The following RINT1 variants were observed in gnomAD, a reference collection of about 807,000 sequenced individuals.
RINT1 encodes RAD50 interactor 1.
Under a neutral mutation model 97.7 loss-of-function variants are expected in RINT1, and 75 were observed. The observed-to-expected ratio is 0.77, with a 90% CI of 0.64 to 0.93. The LOEUF (loss-of-function observed/expected upper bound fraction) is 0.93. Among genes scored for constraint, RINT1 ranks in the 40% least tolerant of loss-of-function variants. RINT1 has a pLI of 0.00. For synonymous variants in RINT1, 303 were observed against 326.3 expected, an observed-to-expected ratio of 0.93 and a Z score of 0.77; for missense variants, 892 against 925.2, an observed-to-expected ratio of 0.96 and a Z score of 0.47.
Position 105,550,271 on chromosome 7 carries a change from C to T in RINT1, c.1118C>T (p.Ser373Phe). The change falls in exon 9 of 15, where the codon TCT becomes TTT. Residue 373 changes from serine (S) to phenylalanine (F), a missense_variant. By Grantham distance (155) the Ser-to-Phe change is radical. Coordinates refer to ENST00000257700, the MANE Select transcript of RINT1 (RefSeq NM_021930.6). ...GSLVNARLEF[S>F]RGLMMLVLEK... ...TGTGTATTTTTTTAGCTTGAATTTT[C>T]TCGGGGCCTTATGATGCTGGTTCTT... is the stretch of plus-strand genomic sequence containing the variant. The T allele has an allele frequency of 1.2e-6, 2 of 1,613,722 alleles. No individual in the cohort carries two copies. Among genetic ancestry groups the T allele is most frequent in the Non-Finnish European group, 1.7e-6 (2 of 1,179,884 alleles).
At chr7:105,565,800 T>A (rs577044728) in intron 14 of RINT1, 152 bp downstream of exon 14, 24 of 580,560 alleles carry the variant, frequency 4.1e-5, no homozygotes, top group Non-Finnish European at 6.9e-5. Flanking sequence ...TACAGCACAA[T>A]GGGGAAACCA....
At chr7:105,549,444 G>A (rs944566308) in intron 7 of RINT1, among the ~76,000 whole-genome samples, 3 of 151,814 alleles carry the variant, frequency 2.0e-5, no homozygotes, top group East Asian at 1.9e-4. Flanking sequence ...TGCCTCCCGC[G>A]TTCAAGCGAT....
rs1296283637 is a variant in RINT1, at chr7:105,550,127, C to T, written c.1069C>T (p.Pro357Ser). 1.9e-6 allele frequency: 3 copies of T among 1,613,712 alleles called. No individual in the cohort carries two copies. The highest frequency in any genetic ancestry group is 1.7e-5 in the Admixed American group (1 of 60,006). ...HTEFLDEKIQ[P>S]ILDKVGSLVN... ...TGAATTTCTGGATGAGAAGATTCAG[C>T]CAATATTAGACAAAGTAGGCTCTTT... Residue 357 changes from proline to serine, a missense_variant, in exon 8 of 15, where the codon CCA becomes TCA. Pro to Ser is a moderately conservative substitution (Grantham distance 74). Coordinates refer to ENST00000257700, the MANE Select transcript of RINT1 (RefSeq NM_021930.6).
intron 3 of RINT1, among the ~76,000 whole-genome samples, chr7:105,539,131 G>C (rs1410840403): frequency 1.3e-5 from 2 of 152,098 alleles, no homozygotes; most frequent in African/African-American, 2.4e-5. Context: ...TTTTACTGAA[G>C]TTCCTTATTG....
intron 3 of RINT1, chr7:105,541,461 T>C (rs1363697584): frequency 6.6e-6 from 1 of 151,916 alleles, no homozygotes; most frequent in East Asian, 2.0e-4. Flanking sequence ...AAGGAAAATA[T>C]TTAGCAGGTA....
In RINT1 at chr7:105,563,820, A is replaced by G. The variant is rs1791559796; in HGVS notation, c.1759A>G (p.Met587Val). ...SKLQLGQLAS[M>V]ESSVFDDMIN... The stretch of plus-strand genomic sequence containing the variant: ...ATTGCAGCTAGGACAGCTAGCCTCT[A>G]TGGAGAGCTCTGTCTTTGATGACAT... The change falls in exon 12 of 15, where the codon ATG (methionine) becomes GTG (valine). Residue 587 changes from methionine to valine, a missense_variant. Transcript: ENST00000257700. 1.2e-6 allele frequency: 2 copies of G among 1,613,898 alleles called. No individual in the cohort carries two copies. Among genetic ancestry groups the G allele is most frequent in the African/African-American group, 1.3e-5 (1 of 74,940 alleles).
intron 2 of RINT1, chr7:105,535,619 C>G (rs777102816): frequency 1.0e-4 from 47 of 453,400 alleles, no homozygotes; most frequent in African/African-American, 7.8e-4. Context: ...GTAGTGAGAT[C>G]ATGGCTCACT....
intron 7 of RINT1, among the ~76,000 whole-genome samples, chr7:105,549,232 C>T (rs1366085889): frequency 6.6e-6 from 1 of 152,120 alleles, no homozygotes; most frequent in Non-Finnish European, 1.5e-5. Context: ...GGTGATCCAC[C>T]TGACTTAGCC....
chr7:105,554,793 G>T (rs1317142340), intron 10 of RINT1, among the ~76,000 whole-genome samples: 1 of 152,102 alleles, frequency 6.6e-6, no homozygotes, highest in Non-Finnish European at 1.5e-5. Flanking sequence ...AAAACTTGAG[G>T]TATAGTTTAC....
rs1044726326 is a variant in RINT1 at position 105,550,172 on chromosome 7, G to C, written c.1107+7G>C. On this transcript the variant is annotated splice_region_variant and intron_variant, in intron 8 of 14. Transcript: ENST00000257700. ...CTCTTTGGTAAACGCAAGGGTAAGA[G>C]ACTCAGTCATAAGTGTTTCTGTTTT... 2.5e-6 allele frequency: 4 copies of C among 1,608,138 alleles called. No homozygotes were observed. The highest frequency in any genetic ancestry group is 3.4e-6 in the Non-Finnish European group (4 of 1,174,932).
At chr7:105,556,949 T>C (rs960167712) in intron 11 of RINT1, among the ~76,000 whole-genome samples, 4 of 152,178 alleles carry the variant, frequency 2.6e-5, no homozygotes, top group Admixed American at 1.3e-4. Context: ...CAGAACTCCC[T>C]TCTTGAACAG....
intron 2 of RINT1, among the ~76,000 whole-genome samples, chr7:105,533,765 TG>T (rs2133351185): frequency 6.6e-6 from 1 of 152,324 alleles, no homozygotes; most frequent in Non-Finnish European, 1.5e-5. Flanking sequence ...CAGAGTGCCT[TG>T]TATCTCTCAG....
chr7:105,564,037 C>T lies in RINT1; in HGVS notation c.1886+90C>T, dbSNP rs2133466065. 3 of 879,480 alleles carry T rather than the reference C, an allele frequency of 3.4e-6. No homozygotes were observed. In the South Asian group the frequency reaches 4.9e-5, roughly 14 times the overall value. 54.5% of individuals were successfully genotyped at this position (879,480 alleles called of 1,614,324 possible). Reference sequence around the variant, plus strand: ...GATTTTCAAGGTGTCTAGATAGAACCCGGTTTGGCCTTATGTACTTTATTG... The same window carrying T: ...GATTTTCAAGGTGTCTAGATAGAACTCGGTTTGGCCTTATGTACTTTATTG... On this transcript the variant is annotated intron_variant, in intron 12 of 14. Coordinates refer to ENST00000257700, the MANE Select transcript of RINT1 (RefSeq NM_021930.6).
intron 2 of RINT1, among the ~76,000 whole-genome samples, 162 bp from the exon 3 acceptor site, chr7:105,536,403 C>T (rs777983181): frequency 1.3e-4 from 20 of 152,190 alleles, no homozygotes; most frequent in Non-Finnish European, 2.6e-4. Context: ...AGGTGATGCA[C>T]CTGCCTCAGC....
chr7:105,532,375 TC>T lies in RINT1; in HGVS notation c.42+21del. On this transcript the variant is annotated intron_variant, in intron 1 of 14. Coordinates refer to ENST00000257700, the MANE Select transcript of RINT1 (RefSeq NM_021930.6). ...CAGCCCCGGTGAGACGGCCCTGGCG[TC>T]CCTGGGAGGGGACATTGGTGGCCCA... The T allele has an allele frequency of 6.3e-7, 1 of 1,598,378 alleles. No individual in the cohort carries two copies. The highest frequency in any genetic ancestry group is 1.1e-5 in the South Asian group (1 of 88,732).
Position 105,567,302 on chromosome 7 carries a change from T to C in RINT1, c.2370T>C (p.Thr790=), listed in dbSNP as rs36058979. ...ATTTGAGGACAAATTGGCCTAATAC[T>C]GGAAAATAATGTCTTTCAGAAAAAG... The part of the protein sequence containing the change: ...LLNLRTNWPN[T]GK Residue 790 remains threonine (T), a synonymous_variant, in exon 15 of 15, where the codon ACT becomes ACC. Coordinates refer to ENST00000257700, the MANE Select transcript of RINT1 (RefSeq NM_021930.6). The C allele has an allele frequency of 2.7e-3, 4,357 of 1,586,976 alleles. 110 individuals carry two copies. In the African/African-American group the frequency reaches 0.054, roughly 20 times the overall value.
chr7:105,548,263 T>G (rs1389695178), intron 6 of RINT1, among the ~76,000 whole-genome samples: 4 of 151,298 alleles, frequency 2.6e-5, no homozygotes, highest in Admixed American at 2.6e-4. Flanking sequence ...TCCTGTGAAG[T>G]GGCCCAAGTG....
chr7:105,555,155 C>T lies in RINT1; in HGVS notation c.1599C>T (p.Gly533=). 1 of 1,614,074 alleles carries T rather than the reference C, an allele frequency of 6.2e-7. No individual in the cohort carries two copies. Among genetic ancestry groups the T allele is most frequent in the Non-Finnish European group, 8.5e-7 (1 of 1,179,990 alleles). ...AAGAAGAGACTAGAGCTTCCCTTGG[C>T]TTTCGATACTGTGCAATTCTTAATG... ...VMKEETRASL[G]FRYCAILNAV... is the part of the protein sequence containing the mutation. Residue 533 remains glycine, a synonymous_variant, in exon 11 of 15, where the codon GGC becomes GGT. Transcript: ENST00000257700.
At position 105,544,111 on chromosome 7, in the gene RINT1, C is replaced by CA. The variant is rs559161692; in HGVS notation, c.515+1470dup. Among the ~76,000 whole-genome samples the CA allele has an allele frequency of 4.7e-3, 708 of 149,712 alleles. 5 individuals are homozygous for CA. Among genetic ancestry groups the CA allele is most frequent in the African/African-American group, 0.015 (627 of 40,850 alleles). ...GCGAAACTCCGTCTCAAAAAAAAAA[C>CA]AAAAAAAACAAAAAAACTTTGTTTT... On this transcript the variant is annotated intron_variant, in intron 4 of 14. Coordinates refer to ENST00000257700, the MANE Select transcript of RINT1 (RefSeq NM_021930.6).
Sources: gnomAD v4.1 joint callset for allele counts (sites outside exome capture counted in the v4.1 genomes callset) on GRCh38, gnomAD v4.1.1 for gene constraint, MANE v1.5 for transcripts, NCBI Gene and HGNC (gene_info 2026-07-23, HGNC 2026-07-21) for gene names.